NDUFA6: variants seen among roughly 807,000 people sequenced by gnomAD.
The protein encoded by NDUFA6 is NADH dehydrogenase [ubiquinone] 1 alpha subcomplex subunit 6.
Under a neutral mutation model 12.5 loss-of-function variants are expected in NDUFA6, and 10 were observed. That is an observed-to-expected ratio of 0.80 (90% CI 0.49 to 1.35). NDUFA6 has a LOEUF of 1.35. Ranked by LOEUF, NDUFA6 falls within the 40% of genes most tolerant of loss-of-function variation. The pLI, the probability that NDUFA6 is intolerant of heterozygous loss-of-function variation, is 0.00. For missense variants in NDUFA6, 177 were observed against 173.5 expected (o/e 1.02, Z -0.11); for synonymous variants, 66 against 63.0 (o/e 1.05, Z -0.23).
In NDUFA6 at chr22:42,086,372, C is replaced by T. The variant is rs1400336096; in HGVS notation, c.256-58G>A. ...GTTGTCAAGTTGAAGGCATATGACACTGAAGGCCAGGATTCTATTCTCTGC... is the reference window on the plus strand; with the variant it reads ...GTTGTCAAGTTGAAGGCATATGACATTGAAGGCCAGGATTCTATTCTCTGC... On this transcript the variant is annotated intron_variant, in intron 2 of 2. Transcript: ENST00000498737. The T allele has an allele frequency of 4.4e-6, 7 of 1,606,444 alleles. No individual in the cohort carries two copies. The Admixed American group carries it at 5.0e-5, about 11-fold the overall frequency.
In NDUFA6 at chr22:42,087,084, C is replaced by A. The variant is rs1602518517; in HGVS notation, c.231G>T (p.Arg77Ser). 4 of 1,613,906 alleles carry A rather than the reference C, an allele frequency of 2.5e-6. No individual in the cohort carries two copies. In the East Asian group the frequency reaches 8.9e-5, roughly 36 times the overall value. Residue 77 changes from arginine (R) to serine (S), a missense_variant, in exon 2 of 3, where the codon AGG becomes AGT. This residue lies in a region of NDUFA6 where 62 missense variants were observed against 69.4 expected (regional missense o/e 0.89). Coordinates refer to ENST00000498737, the MANE Select transcript of NDUFA6 (RefSeq NM_002490.6). ...FMKNAHVTDP[R>S]VVDLLVIKGK... ...CCTTAATGACCAGAAGATCAACCAC[C>A]CTGGGGTCTGTGACATGGGCATTCT...
At chr22:42,086,939 A>G (rs1003976525) in intron 2 of NDUFA6, 121 bp downstream of exon 2, 2 of 774,316 alleles carry the variant, frequency 2.6e-6, no homozygotes, top group African/African-American at 3.4e-5. Flanking sequence ...AAACACAGCA[A>G]TAATCACTGC....
At chr22:42,086,465 G>C in intron 2 of NDUFA6, 151 bp from the exon 3 acceptor site, 1 of 953,400 alleles carries the variant, frequency 1.0e-6, no homozygotes, top group Non-Finnish European at 1.7e-6. Context: ...TCTATGTCTG[G>C]ACAATGAGGT....
chr22:42,090,688 G>A lies in NDUFA6; in HGVS notation c.57C>T (p.Pro19=), dbSNP rs1180989092. ...ATSTASTFVK[P]IFSRDMNEAK... ...CCTCGTTCATGTCCCGACTGAAAAT[G>A]GGCTTCACGAAGGTGCTGGCGGTAG... The change falls in exon 1 of 3, where the codon CCC becomes CCT. Residue 19 remains proline, a synonymous_variant. Transcript: ENST00000498737. 4.3e-6 allele frequency: 7 copies of A among 1,614,178 alleles called. No homozygotes were observed. The highest frequency in any genetic ancestry group is 5.9e-6 in the Non-Finnish European group (7 of 1,180,040).
chr22:42,086,961 C>T, intron 2 of NDUFA6, 99 bp downstream of exon 2: 1 of 874,770 alleles, frequency 1.1e-6, no homozygotes, highest in South Asian at 1.3e-5. Context: ...GAACCAGTAG[C>T]TGCTTTCTAA....
At position 42,087,659 on chromosome 22, in the gene NDUFA6, G is replaced by A. The variant is rs1185431867; in HGVS notation, c.140-484C>T. Among the ~76,000 whole-genome samples, 4 of 151,820 alleles carry A rather than the reference G, an allele frequency of 2.6e-5. No individual in the cohort carries two copies. The South Asian group carries it at 6.2e-4, about 24-fold the overall frequency. On this transcript the variant is annotated intron_variant, in intron 1 of 2. Coordinates refer to ENST00000498737, the MANE Select transcript of NDUFA6 (RefSeq NM_002490.6). ...CTACTAAAAATACAAAAAATTAGCC[G>A]GGTGTGGTGGTGGGTGCCTGTAATT...
intron 2 of NDUFA6, among the ~76,000 whole-genome samples, chr22:42,086,552 C>G (rs1928262369): frequency 6.6e-6 from 1 of 152,184 alleles, no homozygotes; most frequent in Non-Finnish European, 1.5e-5. Context: ...GAGAAACATA[C>G]AGGTTAACAG....
intron 1 of NDUFA6, among the ~76,000 whole-genome samples, chr22:42,087,710 G>C (rs1928345564): frequency 6.6e-6 from 1 of 151,992 alleles, no homozygotes; most frequent in African/African-American, 2.4e-5. Flanking sequence ...GCTGAGGCAG[G>C]AGAATGGTGT....
Position 42,085,659 on chromosome 22 carries a change from A to T in NDUFA6, c.*524T>A. The T allele has an allele frequency of 4.8e-6, 1 of 209,524 alleles. No individual in the cohort carries two copies. The highest frequency in any genetic ancestry group is 9.8e-6 in the Non-Finnish European group (1 of 102,538). The allele number at this position is 209,524 out of a possible 1,614,324, so 13.0% of individuals were successfully genotyped here. A position where few individuals can be genotyped will look rare whatever the true frequency, so the allele number is the denominator to read the frequency against. On this transcript the variant is annotated 3_prime_UTR_variant, in exon 3 of 3. Coordinates refer to ENST00000498737, the MANE Select transcript of NDUFA6 (RefSeq NM_002490.6). ...ACCTAAGCAGGGTGCCTGAGTAGGA[A>T]GTTAATTTCATTTTAAGGGCTGGAG...
rs1928601858 is a variant in NDUFA6 at position 42,090,713 on chromosome 22, G to C, written c.32C>G (p.Ser11Cys). Reference protein sequence around the residue: MAGSGVRQATSTASTFVKPIF... With the variant: MAGSGVRQATCTASTFVKPIF... The stretch of plus-strand genomic sequence containing the variant: ...GGGCTTCACGAAGGTGCTGGCGGTA[G>C]AAGTAGCTTGGCGGACGCCGCTCCC... Residue 11 changes from serine (S) to cysteine (C), a missense_variant, in exon 1 of 3, where the codon TCT becomes TGT. Physicochemically the swap from Ser to Cys is moderately radical, Grantham distance 112. This residue lies in a region of NDUFA6 where 111 missense variants were observed against 87.2 expected (regional missense o/e 1.27). Transcript: ENST00000498737. 1.9e-6 allele frequency: 3 copies of C among 1,614,208 alleles called. No homozygotes were observed. Among genetic ancestry groups the C allele is most frequent in the African/African-American group, 2.7e-5 (2 of 75,084 alleles).
intron 1 of NDUFA6, among the ~76,000 whole-genome samples, chr22:42,088,587 C>G (rs1025950973): frequency 6.6e-6 from 1 of 151,724 alleles, no homozygotes; most frequent in African/African-American, 2.4e-5. Context: ...GGTGTGGTGG[C>G]ACGCAACTAT....
At chr22:42,086,426 G>C in intron 2 of NDUFA6, 112 bp from the exon 3 acceptor site, 1 of 1,405,586 alleles carries the variant, frequency 7.1e-7, no homozygotes, top group Non-Finnish European at 1.0e-6. Flanking sequence ...ATGACCTTGG[G>C]CAAGTAACTA....
chr22:42,090,724 G>A lies in NDUFA6; in HGVS notation c.21C>T (p.Arg7=), dbSNP rs148627058. The change falls in exon 1 of 3, where the codon CGC becomes CGT. Residue 7 remains arginine, a synonymous_variant. Coordinates refer to ENST00000498737, the MANE Select transcript of NDUFA6 (RefSeq NM_002490.6). ...AGGTGCTGGCGGTAGAAGTAGCTTG[G>A]CGGACGCCGCTCCCCGCCATCTTGC... MAGSGV[R]QATSTASTFV... is the part of the protein sequence containing the mutation. 3.1e-6 allele frequency: 5 copies of A among 1,614,054 alleles called. No individual in the cohort carries two copies. Among genetic ancestry groups the A allele is most frequent in the African/African-American group, 2.7e-5 (2 of 74,954 alleles).
At chr22:42,090,546 G>C in intron 1 of NDUFA6, 60 bp downstream of exon 1, 2 of 1,597,320 alleles carry the variant, frequency 1.3e-6, no homozygotes, top group Non-Finnish European at 1.7e-6. Flanking sequence ...AACCCCGGCC[G>C]GGCCGGCTAC....
At chr22:42,087,531 G>A (rs988576509) in intron 1 of NDUFA6, among the ~76,000 whole-genome samples, 4 of 152,162 alleles carry the variant, frequency 2.6e-5, no homozygotes, top group East Asian at 1.9e-4. Context: ...GGCTGGGCGC[G>A]GTGGCTCACG....
chr22:42,090,150 G>GC (rs964340323), intron 1 of NDUFA6: 2 of 253,938 alleles, frequency 7.9e-6, no homozygotes, highest in African/African-American at 4.5e-5. Context: ...TCGCACCACT[G>GC]CACTCCAGCC....
At chr22:42,089,165 T>A (rs146553770) in intron 1 of NDUFA6, among the ~76,000 whole-genome samples, 2 of 152,070 alleles carry the variant, frequency 1.3e-5, no homozygotes, top group African/African-American at 4.8e-5. Context: ...GTCTTCTACT[T>A]GGCCACTGAT....
At chr22:42,087,721 G>T (rs898326862) in intron 1 of NDUFA6, among the ~76,000 whole-genome samples, 2 of 151,860 alleles carry the variant, frequency 1.3e-5, no homozygotes, top group Non-Finnish European at 2.9e-5. Flanking sequence ...AGAATGGTGT[G>T]AACCCGGGAG....
chr22:42,090,577 G>A, intron 1 of NDUFA6, 29 bp downstream of exon 1: 2 of 1,611,982 alleles, frequency 1.2e-6, no homozygotes, highest in Non-Finnish European at 8.5e-7. Context: ...GGCGGCCTCC[G>A]GGTCCCCACG....
Sources: gnomAD v4.1 joint callset for allele counts (sites outside exome capture counted in the v4.1 genomes callset) on GRCh38, gnomAD v4.1.1 for gene constraint, gnomAD v4.1.1 regional missense constraint, MANE v1.5 for transcripts, NCBI Gene and HGNC (gene_info 2026-07-23, HGNC 2026-07-21) for gene names.